The following PMFBP1 variants were observed in gnomAD, a reference collection of about 807,000 sequenced individuals.
PMFBP1 encodes the protein polyamine-modulated factor 1-binding protein 1.
PMFBP1 carries 131 observed loss-of-function variants against 137.8 expected under a neutral mutation model. That is an observed-to-expected ratio of 0.95 (90% confidence interval 0.82 to 1.10). The LOEUF (loss-of-function observed/expected upper bound fraction) is 1.10. Ranked by LOEUF, PMFBP1 falls within the 50% of genes least tolerant of loss-of-function variation. PMFBP1 has a pLI of 0.00. For missense variants in PMFBP1, 1,199 were observed against 1,175.4 expected, an observed-to-expected ratio of 1.02 and a Z score of -0.29; for synonymous variants, 490 against 450.4, an observed-to-expected ratio of 1.09 and a Z score of -1.11.
chr16:72,144,836 C>T (rs2144374875), intron 5 of PMFBP1, among the ~76,000 whole-genome samples: 1 of 152,198 alleles, frequency 6.6e-6, no homozygotes, highest in South Asian at 2.1e-4. Flanking sequence ...GCTAACTATC[C>T]TAAATATATA....
At chr16:72,249,576 G>A in the PMFBP1 span, among the ~76,000 whole-genome samples, 2 of 151,738 alleles carry the variant, frequency 1.3e-5, no homozygotes, top group Non-Finnish European at 2.9e-5. Context: ...CACGTTCTTG[G>A]GAAGATAACA....
chr16:72,173,846 TA>T (rs2043242348), upstream of PMFBP1: 1 of 152,270 alleles, frequency 6.6e-6, no homozygotes, highest in Non-Finnish European at 1.5e-5. Context: ...AGGGACTCTC[TA>T]CCAGATCCCC....
the PMFBP1 span, among the ~76,000 whole-genome samples, chr16:72,211,684 T>C: frequency 1.3e-5 from 2 of 152,146 alleles, no homozygotes; most frequent in South Asian, 2.1e-4. Flanking sequence ...TAAGAAAGAA[T>C]TCTTAGAATT....
Position 72,154,372 on chromosome 16 carries a change from G to T in PMFBP1, c.253C>A (p.Gln85Lys), listed in dbSNP as rs370398190. ...AGGACCAGCAATTTTTTCTTCAGTTGCTGGAGTTGTCTCAGATGACACTGT... is the reference window on the plus strand; with the variant it reads ...AGGACCAGCAATTTTTTCTTCAGTTTCTGGAGTTGTCTCAGATGACACTGT... ...SKQCHLRQLQ[Q>K]LKKKLLVLQQ... The change falls in exon 4 of 21, where the codon CAA becomes AAA. Residue 85 changes from glutamine to lysine, a missense_variant. Coordinates refer to ENST00000237353, the MANE Select transcript of PMFBP1 (RefSeq NM_031293.3). The T allele has an allele frequency of 2.5e-6, 4 of 1,614,158 alleles. No homozygotes were observed. The highest frequency in any genetic ancestry group is 1.7e-6 in the Non-Finnish European group (2 of 1,180,024).
At chr16:72,169,529 A>C (rs1033291877) in intron 2 of PMFBP1, among the ~76,000 whole-genome samples, 7 of 152,196 alleles carry the variant, frequency 4.6e-5, no homozygotes, top group African/African-American at 1.7e-4. Flanking sequence ...AGGAGTGACT[A>C]TATTTTATGG....
intron 5 of PMFBP1, among the ~76,000 whole-genome samples, chr16:72,146,978 C>T (rs2042817518): frequency 6.6e-6 from 1 of 152,158 alleles, no homozygotes; most frequent in Admixed American, 6.6e-5. Flanking sequence ...AATGCTATCC[C>T]CATAAAGCTA....
chr16:72,186,547 A>C, the PMFBP1 span, among the ~76,000 whole-genome samples: 1 of 152,114 alleles, frequency 6.6e-6, no homozygotes, highest in Admixed American at 6.5e-5. Context: ...GGAGCCATGA[A>C]GGTTTTCGAG....
the PMFBP1 span, among the ~76,000 whole-genome samples, chr16:72,229,812 G>C: frequency 3.2e-4 from 48 of 152,266 alleles, no homozygotes; most frequent in African/African-American, 1.1e-3. Context: ...AGCTGAAGAA[G>C]CCAATATTTG....
the PMFBP1 span, among the ~76,000 whole-genome samples, chr16:72,238,681 G>A: frequency 6.6e-6 from 1 of 152,136 alleles, no homozygotes; most frequent in Non-Finnish European, 1.5e-5. Context: ...GCTATGTTTT[G>A]AGCATATTTT....
the PMFBP1 span, among the ~76,000 whole-genome samples, chr16:72,220,151 A>G: frequency 1.3e-5 from 2 of 152,246 alleles, no homozygotes; most frequent in African/African-American, 4.8e-5. Flanking sequence ...CTTAAAAAGA[A>G]TTATACTCTT....
chr16:72,165,026 C>A, intron 2 of PMFBP1, 110 bp from the exon 3 acceptor site: 1 of 1,177,038 alleles, frequency 8.5e-7, no homozygotes, highest in African/African-American at 1.5e-5. Flanking sequence ...ATTTGTCCAT[C>A]AACCATTAGC....
intron 4 of PMFBP1, 89 bp from the exon 5 acceptor site, chr16:72,150,918 T>A: frequency 8.8e-7 from 1 of 1,141,270 alleles, no homozygotes; most frequent in East Asian, 2.4e-5. Flanking sequence ...CAGAGAAGTC[T>A]TGTATCTGAA....
chr16:72,217,284 A>T, the PMFBP1 span, among the ~76,000 whole-genome samples: 1 of 152,194 alleles, frequency 6.6e-6, no homozygotes, highest in African/African-American at 2.4e-5. Flanking sequence ...CAAGTTATTT[A>T]TAATTAATAA....
chr16:72,203,797 C>G, the PMFBP1 span, among the ~76,000 whole-genome samples: 2 of 152,322 alleles, frequency 1.3e-5, no homozygotes. Context: ...CCTTCTTTCA[C>G]TTGCTAGAGT....
chr16:72,246,024 GA>G, the PMFBP1 span, among the ~76,000 whole-genome samples: 2 of 152,134 alleles, frequency 1.3e-5, no homozygotes, highest in Non-Finnish European at 2.9e-5. Context: ...GTCTACTCTG[GA>G]TAGTGTGGGA....
the PMFBP1 span, among the ~76,000 whole-genome samples, chr16:72,215,167 A>G: frequency 1.9e-4 from 29 of 152,200 alleles, no homozygotes; most frequent in Non-Finnish European, 4.0e-4. Context: ...AAATTCCAGA[A>G]AAAGAAAACT....
chr16:72,182,974 G>A, the PMFBP1 span, among the ~76,000 whole-genome samples: 1 of 152,062 alleles, frequency 6.6e-6, no homozygotes, highest in Non-Finnish European at 1.5e-5. Context: ...CAGTGGGGGA[G>A]GGGACTGGGT....
intron 15 of PMFBP1, 133 bp downstream of exon 15, chr16:72,125,835 C>T: frequency 8.6e-7 from 1 of 1,165,258 alleles, no homozygotes; most frequent in Admixed American, 2.5e-5. Flanking sequence ...GCACAGACAT[C>T]CCAGCCCACA....
chr16:72,174,886 CA>C (rs1385227361), upstream of PMFBP1, among the ~76,000 whole-genome samples: 2 of 152,188 alleles, frequency 1.3e-5, no homozygotes, highest in African/African-American at 4.8e-5. Flanking sequence ...ATGACACAGC[CA>C]AACCATATCA....
Sources: gnomAD v4.1 joint callset for allele counts (sites outside exome capture counted in the v4.1 genomes callset) on GRCh38, gnomAD v4.1.1 for gene constraint, MANE v1.5 for transcripts, NCBI Gene and HGNC (gene_info 2026-07-23, HGNC 2026-07-21) for gene names.